The following SEMA3A variants were observed in gnomAD, a reference collection of about 807,000 sequenced individuals.
SEMA3A encodes semaphorin-3A.
In SEMA3A, 29 loss-of-function variants were observed where a neutral mutation model predicts 97.9. The ratio of observed to expected loss-of-function variants is 0.30; its 90% confidence interval spans 0.22 to 0.40. The LOEUF (loss-of-function observed/expected upper bound fraction) is 0.40, where lower values mean the gene tolerates loss of function less well. Among genes scored for constraint, SEMA3A ranks in the 10% least tolerant of loss-of-function variants. The pLI, the probability that SEMA3A is intolerant of heterozygous loss-of-function variation, is 1.00. For synonymous variants in SEMA3A, 321 were observed against 323.7 expected (o/e 0.99, Z 0.09); for missense variants, 763 against 951.3 (o/e 0.80, Z 2.60).
chr7:84,106,446 G>A (rs1795111557), intron 4 of SEMA3A, among the ~76,000 whole-genome samples: 1 of 152,112 alleles, frequency 6.6e-6, no homozygotes, highest in African/African-American at 2.4e-5. Flanking sequence ...ATTGGTGTAA[G>A]TACACTCTAT....
chr7:84,337,925 A>C (rs1210642757), intron 2 of SEMA3A, among the ~76,000 whole-genome samples: 2 of 152,126 alleles, frequency 1.3e-5, no homozygotes, highest in African/African-American at 4.8e-5. Context: ...GGAGAACATT[A>C]CAAATACAAG....
chr7:84,306,640 T>TAATA (rs1367391403), intron 3 of SEMA3A: 1 of 152,134 alleles, frequency 6.6e-6, no homozygotes, highest in East Asian at 1.9e-4. Context: ...TTAAAATAAG[T>TAATA]AATACAGTAT....
rs530424526 is a variant in SEMA3A, at chr7:84,297,573, T to G, written c.-83+9634A>C. Among the ~76,000 whole-genome samples, 26 of 152,286 alleles carry G rather than the reference T, an allele frequency of 1.7e-4. 1 individual carries two copies. The South Asian group carries it at 5.0e-3, about 29-fold the overall frequency. On this transcript the variant is annotated intron_variant, in intron 3 of 3. Transcript: ENST00000424555. ...GTTCCAGAATACCAATCAAAATAAC[T>G]AATCTACATAGGTCTTTGTGCAATG...
At chr7:84,073,603 CA>C (rs1793826748) in intron 4 of SEMA3A, among the ~76,000 whole-genome samples, 1 of 151,980 alleles carries the variant, frequency 6.6e-6, no homozygotes, top group African/African-American at 2.4e-5. Flanking sequence ...ACAATAGCAT[CA>C]AAGAGGTGCA....
intron 12 of SEMA3A, among the ~76,000 whole-genome samples, chr7:83,997,940 C>T (rs1268856686): frequency 4.0e-5 from 6 of 151,742 alleles, no homozygotes; most frequent in Non-Finnish European, 8.8e-5. Context: ...GTTTCACCAT[C>T]TTGGCCAGGC....
chr7:84,008,490 C>CAAAA (rs752729583), intron 9 of SEMA3A, among the ~76,000 whole-genome samples: 899 of 81,076 alleles, frequency 0.011, 14 homozygotes, highest in African/African-American at 0.036. Context: ...GACTCCGTCT[C>CAAAA]AAAAAAAAAA....
intron 1 of SEMA3A, among the ~76,000 whole-genome samples, chr7:84,470,171 C>T (rs1466415514): frequency 6.6e-6 from 1 of 151,910 alleles, no homozygotes; most frequent in African/African-American, 2.4e-5. Context: ...TTCTTAAGTG[C>T]TTGGGATTCT....
intron 3 of SEMA3A, among the ~76,000 whole-genome samples, chr7:84,249,368 C>CATCTATCTATCT (rs60537339): frequency 0.12 from 16,804 of 143,022 alleles, 1,145 homozygotes; most frequent in East Asian, 0.2. Flanking sequence ...CTCTGTCTAT[C>CATCTATCTATCT]ATCTATCTAT....
At position 83,957,690 on chromosome 7, in the gene SEMA3A, TCAAA is replaced by T. The variant is rs1351382474; in HGVS notation, c.*3677_*3680del. Reference sequence around the variant, plus strand: ...ACTAGTTTAAGAAAATTTTTAGAGATCAAACAAACTAATGAGATTTTACAGATTT... The same window carrying T: ...ACTAGTTTAAGAAAATTTTTAGAGATCAAACTAATGAGATTTTACAGATTT... On this transcript the variant is annotated 3_prime_UTR_variant, in exon 17 of 17. Coordinates refer to ENST00000265362, the MANE Select transcript of SEMA3A (RefSeq NM_006080.3). The T allele has an allele frequency of 2.0e-5, 3 of 152,246 alleles. No individual in the cohort carries two copies. The highest frequency in any genetic ancestry group is 1.9e-4 in the East Asian group (1 of 5,182). The allele number at this position is 152,246 out of a possible 1,614,324, so 9.4% of individuals were successfully genotyped here.
chr7:84,024,420 C>A (rs1791467093), intron 6 of SEMA3A, among the ~76,000 whole-genome samples: 1 of 151,978 alleles, frequency 6.6e-6, no homozygotes, highest in African/African-American at 2.4e-5. Flanking sequence ...GTGGCACACA[C>A]CTATAATCCC....
rs1279027247 is a variant in SEMA3A at position 84,110,486 on chromosome 7, A to C, written c.437T>G (p.Ile146Ser). Residue 146 changes from isoleucine (I) to serine (S), a missense_variant, in exon 4 of 17, where the codon ATT becomes AGT. Around this residue, in one of 2 missense-constraint regions of SEMA3A, gnomAD observed 678 missense variants for 881.3 expected, o/e 0.77. Transcript: ENST00000265362. The stretch of plus-strand genomic sequence containing the variant: ...CAGCGTTACCTCAGGATGATGTCCA[A>C]TTTCAATGTAGGTGCAAATTGGATG... ...AFHPICTYIE[I>S]GHHPEDNIFK... 6.2e-7 allele frequency: 1 copy of C among 1,613,922 alleles called. No individual in the cohort carries two copies. Among genetic ancestry groups the C allele is most frequent in the Admixed American group, 1.7e-5 (1 of 59,998 alleles).
chr7:84,426,962 A>G (rs1459694357), intron 1 of SEMA3A, among the ~76,000 whole-genome samples: 1 of 152,182 alleles, frequency 6.6e-6, no homozygotes, highest in African/African-American at 2.4e-5. Context: ...ATTTATGTAC[A>G]TTCTCTCTAA....
intron 3 of SEMA3A, among the ~76,000 whole-genome samples, chr7:84,211,660 C>T (rs1798631280): frequency 6.6e-6 from 1 of 151,638 alleles, no homozygotes. Flanking sequence ...TTATTTGGCA[C>T]AGATAAATGG....
intron 15 of SEMA3A, among the ~76,000 whole-genome samples, chr7:83,966,715 T>A (rs1014168486): frequency 3.7e-5 from 2 of 53,488 alleles, no homozygotes; most frequent in African/African-American, 3.4e-4. Context: ...TAAATTTTTT[T>A]TCTTTTTTTT....
chr7:84,197,728 CTCTTT>C (rs1305831345), upstream of SEMA3A, among the ~76,000 whole-genome samples: 1 of 128,472 alleles, frequency 7.8e-6, no homozygotes, highest in East Asian at 2.6e-4. Context: ...CCAAAGATCA[CTCTTT>C]TTTTTTTTTT....
intron 2 of SEMA3A, among the ~76,000 whole-genome samples, chr7:84,364,625 C>T (rs993794554): frequency 6.6e-6 from 1 of 151,522 alleles, no homozygotes; most frequent in African/African-American, 2.4e-5. Flanking sequence ...TATTGTACTT[C>T]CAAATAGCAA....
At chr7:84,200,461 T>C (rs1179797441) in intron 3 of SEMA3A, among the ~76,000 whole-genome samples, 1 of 152,000 alleles carries the variant, frequency 6.6e-6, no homozygotes, top group Non-Finnish European at 1.5e-5. Context: ...GGTTGGTAAG[T>C]TTGAGTGGAG....
At chr7:84,337,735 G>T (rs1371501498) in intron 2 of SEMA3A, among the ~76,000 whole-genome samples, 1 of 152,160 alleles carries the variant, frequency 6.6e-6, no homozygotes, top group Admixed American at 6.6e-5. Flanking sequence ...GCTTTGTGCA[G>T]CTGGGGTTTG....
chr7:84,469,016 T>G (rs1223755315), intron 1 of SEMA3A, among the ~76,000 whole-genome samples: 1 of 152,082 alleles, frequency 6.6e-6, no homozygotes, highest in African/African-American at 2.4e-5. Context: ...GTAAAGAAAT[T>G]TTTTGATCCG....
Sources: allele counts gnomAD v4.1 joint callset (sites outside exome capture counted in the v4.1 genomes callset), GRCh38; gene constraint gnomAD v4.1.1; regional missense constraint gnomAD v4.1.1; transcripts MANE v1.5; gene names NCBI Gene and HGNC (gene_info 2026-07-23, HGNC 2026-07-21).